PACRGL: variants seen among roughly 807,000 people sequenced by gnomAD.
PACRGL encodes parkin coregulated like.
PACRGL carries 38 observed loss-of-function variants against 34.5 expected under a neutral mutation model. The ratio of observed to expected loss-of-function variants is 1.10; its 90% CI spans 0.85 to 1.44. The LOEUF is 1.44. Ranked by LOEUF, PACRGL falls within the 40% of genes most tolerant of loss-of-function variation. PACRGL has a pLI of 0.00. For missense variants in PACRGL, 305 were observed against 281.4 expected, an observed-to-expected ratio of 1.08 and a Z score of -0.60; for synonymous variants, 128 against 100.1, an observed-to-expected ratio of 1.28 and a Z score of -1.66.
chr4:20,700,196 G>A (rs139811710), upstream of PACRGL, among the ~76,000 whole-genome samples: 2 of 152,202 alleles, frequency 1.3e-5, no homozygotes, highest in South Asian at 4.1e-4. Context: ...AGGCTAGGGC[G>A]CAGGCGACTG....
intron 8 of PACRGL, among the ~76,000 whole-genome samples, chr4:20,743,063 C>T (rs1364949153): frequency 7.3e-6 from 1 of 136,062 alleles, no homozygotes; most frequent in Admixed American, 7.4e-5. Flanking sequence ...TGTGAAGGAC[C>T]CTTATAAGTT....
At chr4:20,754,577 G>A (rs1488611138), downstream of PACRGL, among the ~76,000 whole-genome samples, 1 of 152,152 alleles carries the variant, frequency 6.6e-6, no homozygotes, top group Non-Finnish European at 1.5e-5. Flanking sequence ...AAAATGCAAA[G>A]CAAATCATAA....
downstream of PACRGL, among the ~76,000 whole-genome samples, chr4:20,754,655 GA>G (rs1754199854): frequency 6.6e-6 from 1 of 152,126 alleles, no homozygotes; most frequent in African/African-American, 2.4e-5. Context: ...CAATTAACAT[GA>G]ATAATGAAAT....
chr4:20,747,325 A>G (rs1196462779), intron 8 of PACRGL, among the ~76,000 whole-genome samples: 1 of 152,226 alleles, frequency 6.6e-6, no homozygotes, highest in Admixed American at 6.5e-5. Context: ...TCTGGAAGCC[A>G]GCTATAAAAG....
At position 20,727,984 on chromosome 4, in the gene PACRGL, C is replaced by G. The variant is rs1050343142; in HGVS notation, c.*643C>G. 6.6e-6 allele frequency: 1 copy of G among 152,322 alleles called. No individual in the cohort carries two copies. The highest frequency in any genetic ancestry group is 1.5e-5 in the Non-Finnish European group (1 of 68,222). 9.4% of individuals were successfully genotyped at this position (152,322 alleles called of 1,614,324 possible). A position where few individuals can be genotyped will look rare whatever the true frequency, so the allele number is the denominator to read the frequency against. ...TGAAATTTGCTTGTAGAGATGGGATCTCACTCTGTTGTCCAGGCTGGTCTC... is the reference window on the plus strand; with the variant it reads ...TGAAATTTGCTTGTAGAGATGGGATGTCACTCTGTTGTCCAGGCTGGTCTC... On this transcript the variant is annotated 3_prime_UTR_variant, in exon 9 of 9. Transcript: ENST00000503585.
At chr4:20,724,662 C>A in intron 7 of PACRGL, 146 bp from the exon 8 acceptor site, 1 of 422,650 alleles carries the variant, frequency 2.4e-6, no homozygotes, top group Non-Finnish European at 4.2e-6. Context: ...ACAGAGGTAC[C>A]TTATACATGT....
chr4:20,732,612 G>A (rs1056841919), downstream of PACRGL: 10 of 910,982 alleles, frequency 1.1e-5, no homozygotes, highest in East Asian at 2.4e-4. Context: ...GAATCATCGT[G>A]GTGCATGGCA....
At chr4:20,707,317 A>G (rs918175350) in intron 3 of PACRGL, among the ~76,000 whole-genome samples, 1 of 152,212 alleles carries the variant, frequency 6.6e-6, no homozygotes, top group Non-Finnish European at 1.5e-5. Flanking sequence ...ATCCAGGCAT[A>G]TATTTGTGAG....
In PACRGL at chr4:20,713,516, C is replaced by T; in HGVS notation, c.586C>T (p.His196Tyr). Residue 196 changes from histidine to tyrosine, a missense_variant, in exon 7 of 9, where the codon CAT becomes TAT. Coordinates refer to ENST00000503585, the MANE Select transcript of PACRGL (RefSeq NM_001258345.3). ...CGTTGTTGGTCCTTCTCTAAACGAC[C>T]ATCTGAAGCATCTGCTTACAAGCGT... ...SVVVGPSLND[H>Y]LKHLLTSLSK... 6.2e-7 allele frequency: 1 copy of T among 1,611,610 alleles called. No individual in the cohort carries two copies. Among genetic ancestry groups the T allele is most frequent in the Non-Finnish European group, 8.5e-7 (1 of 1,178,000 alleles).
chr4:20,709,776 A>G lies in PACRGL; in HGVS notation c.366+3A>G. ...CACTTCTTATTACTTTAGCTGAGGT[A>G]AATATGCCATCTCTTGAATATTTAT... On this transcript the variant is annotated splice_donor_region_variant and intron_variant, in intron 5 of 8. Coordinates refer to ENST00000503585, the MANE Select transcript of PACRGL (RefSeq NM_001258345.3). 1 of 1,572,984 alleles carries G rather than the reference A, an allele frequency of 6.4e-7. No individual in the cohort carries two copies.
At chr4:20,756,182 A>C (rs952504938), downstream of PACRGL, among the ~76,000 whole-genome samples, 1 of 151,998 alleles carries the variant, frequency 6.6e-6, no homozygotes, top group African/African-American at 2.4e-5. Flanking sequence ...TAAAAAAAAA[A>C]AAAGTGTTGG....
intron 7 of PACRGL, among the ~76,000 whole-genome samples, chr4:20,716,547 T>C (rs1740122035): frequency 6.6e-6 from 1 of 152,216 alleles, no homozygotes; most frequent in African/African-American, 2.4e-5. Context: ...AGTATTCTCA[T>C]TGTTCAATTC....
chr4:20,706,306 GATT>G (rs1323945894), intron 3 of PACRGL, among the ~76,000 whole-genome samples: 1 of 152,032 alleles, frequency 6.6e-6, no homozygotes, highest in Admixed American at 6.6e-5. Context: ...AAATTTTAGG[GATT>G]ATTTTCATGA....
intron 7 of PACRGL, among the ~76,000 whole-genome samples, chr4:20,720,013 C>T (rs1285683134): frequency 6.6e-6 from 1 of 152,026 alleles, no homozygotes; most frequent in Non-Finnish European, 1.5e-5. Context: ...TCTGGGTGCT[C>T]CTGTATTGGG....
At chr4:20,710,791 C>A (rs577082241) in intron 5 of PACRGL, among the ~76,000 whole-genome samples, 7 of 149,244 alleles carry the variant, frequency 4.7e-5, no homozygotes, top group Non-Finnish European at 8.9e-5. Flanking sequence ...TAACCAGTTA[C>A]TAGCAAAAAC....
the PACRGL span, among the ~76,000 whole-genome samples, chr4:20,760,820 GA>G: frequency 6.6e-6 from 1 of 151,998 alleles, no homozygotes; most frequent in Non-Finnish European, 1.5e-5. Context: ...TTGGAGTAAA[GA>G]AAAAAACAAC....
At chr4:20,734,749 A>G (rs186923691), downstream of PACRGL, 2,455 of 1,463,506 alleles carry the variant, frequency 1.7e-3, 7 homozygotes, top group Non-Finnish European at 1.6e-3. Flanking sequence ...AAAAGAAATA[A>G]AAATTCAATT....
chr4:20,726,000 TTTC>T (rs1224553136), intron 8 of PACRGL, among the ~76,000 whole-genome samples: 3 of 152,120 alleles, frequency 2.0e-5, no homozygotes, highest in South Asian at 4.1e-4. Context: ...ATATTTCTCC[TTTC>T]TTCTTCTGTG....
At chr4:20,757,807 G>A (rs1754609644), downstream of PACRGL, among the ~76,000 whole-genome samples, 5 of 152,134 alleles carry the variant, frequency 3.3e-5, no homozygotes, top group Admixed American at 3.3e-4. Flanking sequence ...TTGTTGGATG[G>A]TGAGGCATGC....
Sources: allele counts gnomAD v4.1 joint callset (sites outside exome capture counted in the v4.1 genomes callset), GRCh38; gene constraint gnomAD v4.1.1; transcripts MANE v1.5; gene names NCBI Gene and HGNC (gene_info 2026-07-23, HGNC 2026-07-21).